Variants in ANXA3 observed in about 807,000 individuals in gnomAD.
The protein encoded by ANXA3 is annexin A3.
In ANXA3, 46 loss-of-function variants were observed where a neutral mutation model predicts 48.8. The observed-to-expected ratio is 0.94, with a 90% CI of 0.74 to 1.21. The LOEUF (loss-of-function observed/expected upper bound fraction) is 1.21, where lower values mean the gene tolerates loss of function less well. Ranked by LOEUF, ANXA3 falls within the 50% of genes most tolerant of loss-of-function variation. The pLI, the probability that ANXA3 is intolerant of heterozygous loss-of-function variation, is 0.00. For missense variants in ANXA3, 383 were observed against 378.6 expected (o/e 1.01, Z -0.10); for synonymous variants, 128 against 134.7 (o/e 0.95, Z 0.35).
intron 12 of ANXA3, among the ~76,000 whole-genome samples, chr4:78,607,328 G>C (rs1392686384): frequency 6.6e-6 from 1 of 152,098 alleles, no homozygotes; most frequent in Non-Finnish European, 1.5e-5. Flanking sequence ...GAAATTCATG[G>C]GATAGAGTTC....
At chr4:78,597,256 T>C in intron 9 of ANXA3, 63 bp from the exon 10 acceptor site, 1 of 1,086,618 alleles carries the variant, frequency 9.2e-7, no homozygotes, top group East Asian at 2.5e-5. Flanking sequence ...AATAAAAAAC[T>C]AGAATATATT....
At chr4:78,598,052 A>T (rs1262006682) in intron 10 of ANXA3, among the ~76,000 whole-genome samples, 1 of 152,130 alleles carries the variant, frequency 6.6e-6, no homozygotes, top group Non-Finnish European at 1.5e-5. Flanking sequence ...AGACGTAGGC[A>T]AAGCACAGTG....
At chr4:78,597,507 TC>T (rs1723446808) in intron 10 of ANXA3, 93 bp downstream of exon 10, 1 of 808,592 alleles carries the variant, frequency 1.2e-6, no homozygotes, top group East Asian at 2.7e-5. Flanking sequence ...TCCTGACTGA[TC>T]CATTTTTTTT....
At chr4:78,592,453 A>C (rs867677) in intron 7 of ANXA3, among the ~76,000 whole-genome samples, 107,460 of 152,064 alleles carry the variant, frequency 0.71, 38,339 homozygotes, top group East Asian at 0.88. Flanking sequence ...AATGTGAAAA[A>C]CTTATGAAGG....
At chr4:78,570,878 CA>C (rs746785531) in intron 2 of ANXA3, among the ~76,000 whole-genome samples, 8 of 152,164 alleles carry the variant, frequency 5.3e-5, no homozygotes, top group Non-Finnish European at 1.0e-4. Context: ...AAGATCAACA[CA>C]AAAGTTCCTA....
rs529769373 is a variant in ANXA3, at chr4:78,565,207, T to C, written c.16-7973T>C. Reference sequence around the variant, plus strand: ...CAGAGTTTCATCATATTGGCCAGGCTGGTCTCGAACTCCTGACCTCAGGTG... The same window carrying C: ...CAGAGTTTCATCATATTGGCCAGGCCGGTCTCGAACTCCTGACCTCAGGTG... On this transcript the variant is annotated intron_variant, in intron 2 of 12. Coordinates refer to ENST00000264908, the MANE Select transcript of ANXA3 (RefSeq NM_005139.3). Among the ~76,000 whole-genome samples, 6 of 152,264 alleles carry C rather than the reference T, an allele frequency of 3.9e-5. No individual in the cohort carries two copies. In the South Asian group the frequency reaches 1.2e-3, roughly 32 times the overall value.
At chr4:78,555,280 T>TG (rs1040285527) in intron 2 of ANXA3, among the ~76,000 whole-genome samples, 2 of 152,232 alleles carry the variant, frequency 1.3e-5, no homozygotes, top group East Asian at 3.9e-4. Flanking sequence ...CTTACAACTG[T>TG]GACACAAAAC....
At chr4:78,552,085 G>C (rs1006500335) in intron 1 of ANXA3, 3 of 152,374 alleles carry the variant, frequency 2.0e-5, no homozygotes, top group Non-Finnish European at 4.4e-5. Context: ...TGGGCCCACG[G>C]GGGGGAAAGT....
rs547532719 is a variant in ANXA3, at chr4:78,566,995, C to T, written c.16-6185C>T. ...AGTCTTGCCTGCTGTGGACGTTCAGCACCGCCTACTCCTTACTGCCCTGTG... is the reference window on the plus strand; with the variant it reads ...AGTCTTGCCTGCTGTGGACGTTCAGTACCGCCTACTCCTTACTGCCCTGTG... On this transcript the variant is annotated intron_variant, in intron 2 of 12. Coordinates refer to ENST00000264908, the MANE Select transcript of ANXA3 (RefSeq NM_005139.3). 1.2e-4 allele frequency among the ~76,000 whole-genome samples: 18 copies of T among 152,308 alleles called. No homozygotes were observed. The South Asian group carries it at 3.7e-3, about 32-fold the overall frequency.
intron 1 of ANXA3, among the ~76,000 whole-genome samples, chr4:78,553,362 G>A (rs2109920990): frequency 6.6e-6 from 1 of 152,044 alleles, no homozygotes; most frequent in Non-Finnish European, 1.5e-5. Context: ...TATCTACCGT[G>A]CACCAGTGCA....
chr4:78,556,250 T>A (rs1048480753), intron 2 of ANXA3, among the ~76,000 whole-genome samples: 2 of 152,172 alleles, frequency 1.3e-5, no homozygotes, highest in African/African-American at 2.4e-5. Context: ...ACAGGCATTT[T>A]TATGTGATCA....
intron 2 of ANXA3, among the ~76,000 whole-genome samples, chr4:78,565,543 GT>G (rs1183179074): frequency 6.6e-6 from 1 of 152,324 alleles, no homozygotes; most frequent in South Asian, 2.1e-4. Context: ...CAGGTTTCTG[GT>G]GGCTGATGAT....
chr4:78,575,306 TG>T (rs1722924637), intron 3 of ANXA3, among the ~76,000 whole-genome samples: 1 of 152,004 alleles, frequency 6.6e-6, no homozygotes, highest in African/African-American at 2.4e-5. Context: ...TATAAGTTTA[TG>T]GTTTTTTTTT....
At chr4:78,585,944 A>C (rs768174557) in intron 5 of ANXA3, among the ~76,000 whole-genome samples, 16 of 152,194 alleles carry the variant, frequency 1.1e-4, no homozygotes, top group Non-Finnish European at 1.6e-4. Flanking sequence ...GGAATGTTTG[A>C]ATGTTGGTAG....
chr4:78,596,067 C>T (rs1403910869), intron 9 of ANXA3, among the ~76,000 whole-genome samples, 180 bp downstream of exon 9: 1 of 152,186 alleles, frequency 6.6e-6, no homozygotes, highest in Non-Finnish European at 1.5e-5. Context: ...TGACACTACA[C>T]TTTTGTTTTT....
chr4:78,597,612 T>TTTTTTC (rs1723448692), intron 10 of ANXA3, among the ~76,000 whole-genome samples, 198 bp downstream of exon 10: 2 of 152,242 alleles, frequency 1.3e-5, no homozygotes, highest in South Asian at 4.2e-4. Flanking sequence ...TTTTTAAGTC[T>TTTTTTC]TTTTTCTTTT....
At chr4:78,595,709 CCTCTGAAATACAA>C in intron 8 of ANXA3, 72 bp from the exon 9 acceptor site, 1 of 868,510 alleles carries the variant, frequency 1.2e-6, no homozygotes, top group Non-Finnish European at 1.9e-6. Context: ...ATGGCACTGA[CCTCTGAAATACAA>C]CTCCGATTCT....
Position 78,591,635 on chromosome 4 carries a change from T to C in ANXA3, c.483+12T>C. The C allele has an allele frequency of 6.3e-7, 1 of 1,598,780 alleles. No individual in the cohort carries two copies. The highest frequency in any genetic ancestry group is 8.6e-7 in the Non-Finnish European group (1 of 1,167,018). On this transcript the variant is annotated intron_variant, in intron 7 of 12. Coordinates refer to ENST00000264908, the MANE Select transcript of ANXA3 (RefSeq NM_005139.3). ...TGACTTTGGCAGATGTAAGGTTTTATTTTTTATTTTTTAACTCCCCAGTAA... is the reference window on the plus strand; with the variant it reads ...TGACTTTGGCAGATGTAAGGTTTTACTTTTTATTTTTTAACTCCCCAGTAA...
At chr4:78,583,175 C>CA (rs1464487214) in intron 5 of ANXA3, among the ~76,000 whole-genome samples, 1 of 71,750 alleles carries the variant, frequency 1.4e-5, no homozygotes, top group Non-Finnish European at 2.8e-5. Context: ...CCTGTCTCTA[C>CA]AAAAAATAAA....
Sources: allele counts gnomAD v4.1 joint callset (sites outside exome capture counted in the v4.1 genomes callset), GRCh38; gene constraint gnomAD v4.1.1; transcripts MANE v1.5; gene names NCBI Gene and HGNC (gene_info 2026-07-23, HGNC 2026-07-21).